CCDC148: variants seen among roughly 807,000 people sequenced by gnomAD.
CCDC148 encodes coiled-coil domain-containing protein 148.
A neutral mutation model predicts 85.7 loss-of-function variants in CCDC148; 89 were observed. The ratio of observed to expected loss-of-function variants is 1.04; its 90% CI spans 0.87 to 1.24. The LOEUF is 1.24. CCDC148 is among the 50% of genes most tolerant of loss of function. CCDC148 has a pLI of 0.00. For synonymous variants in CCDC148, 230 were observed against 213.9 expected, an observed-to-expected ratio of 1.08 and a Z score of -0.66; for missense variants, 692 against 671.7, an observed-to-expected ratio of 1.03 and a Z score of -0.33.
intron 1 of CCDC148, among the ~76,000 whole-genome samples, chr2:158,417,590 C>T (rs1320759337): frequency 1.3e-5 from 2 of 152,208 alleles, no homozygotes; most frequent in African/African-American, 4.8e-5. Flanking sequence ...AGGCCTCCAA[C>T]CAAATCCTCC....
chr2:158,250,979 A>G (rs1688770595), intron 9 of CCDC148, 67 bp from the exon 10 acceptor site: 1 of 1,423,168 alleles, frequency 7.0e-7, no homozygotes, highest in African/African-American at 1.4e-5. Flanking sequence ...AGGTCATAAT[A>G]AGACTAGGCT....
At position 158,223,364 on chromosome 2, in the gene CCDC148, C is replaced by A. The variant is rs574768819; in HGVS notation, c.1252-2651G>T. ...CCCACTGCAGCTCAAGGAGGCCTGT[C>A]TGCCTGCCTCTGTAGACTCCACTCT... is the stretch of plus-strand genomic sequence containing the variant. On this transcript the variant is annotated intron_variant, in intron 10 of 13. Coordinates refer to ENST00000283233, the MANE Select transcript of CCDC148 (RefSeq NM_138803.4). 7.9e-5 allele frequency among the ~76,000 whole-genome samples: 12 copies of A among 152,332 alleles called. No homozygotes were observed. In the East Asian group the frequency reaches 2.1e-3, roughly 27 times the overall value.
At chr2:158,328,160 C>T (rs1166128131) in intron 7 of CCDC148, among the ~76,000 whole-genome samples, 2 of 152,078 alleles carry the variant, frequency 1.3e-5, no homozygotes, top group African/African-American at 4.8e-5. Flanking sequence ...TGCTATCCCT[C>T]CCCTCCGCCC....
At chr2:158,249,990 A>G (rs910216037) in intron 10 of CCDC148, among the ~76,000 whole-genome samples, 1 of 152,130 alleles carries the variant, frequency 6.6e-6, no homozygotes, top group Non-Finnish European at 1.5e-5. Flanking sequence ...TCACAAATTA[A>G]TTGACTTTTT....
intron 1 of CCDC148, among the ~76,000 whole-genome samples, chr2:158,394,869 T>C (rs539258663): frequency 1.9e-4 from 29 of 152,076 alleles, no homozygotes; most frequent in Non-Finnish European, 3.1e-4. Context: ...AAAACTCTAT[T>C]GTTTGTTCTC....
At chr2:158,298,352 T>C (rs565559009) in intron 9 of CCDC148, among the ~76,000 whole-genome samples, 2 of 152,148 alleles carry the variant, frequency 1.3e-5, no homozygotes, top group African/African-American at 4.8e-5. Flanking sequence ...TTTGTCTACT[T>C]TGGGGTTTGT....
intron 9 of CCDC148, among the ~76,000 whole-genome samples, chr2:158,252,436 CT>C (rs1175355391): frequency 6.6e-6 from 1 of 151,682 alleles, no homozygotes; most frequent in Non-Finnish European, 1.5e-5. Context: ...CCTTTCCTTT[CT>C]GTAATTTATC....
At chr2:158,236,453 T>A (rs545570360) in intron 10 of CCDC148, among the ~76,000 whole-genome samples, 1 of 152,210 alleles carries the variant, frequency 6.6e-6, no homozygotes, top group Non-Finnish European at 1.5e-5. Flanking sequence ...ATGGCTGAAA[T>A]GAATTTGCCT....
chr2:158,415,807 A>C (rs1259960566), intron 1 of CCDC148, among the ~76,000 whole-genome samples: 1 of 152,128 alleles, frequency 6.6e-6, no homozygotes, highest in African/African-American at 2.4e-5. Flanking sequence ...CACGTCTCAC[A>C]TTCAGGCCAT....
chr2:158,206,458 G>A (rs747106929), intron 11 of CCDC148, among the ~76,000 whole-genome samples: 6 of 152,216 alleles, frequency 3.9e-5, no homozygotes, highest in African/African-American at 2.4e-5. Context: ...ACATGCACTG[G>A]TCCAGACAGA....
At chr2:158,201,108 C>CGTAA (rs1012151475) in intron 11 of CCDC148, among the ~76,000 whole-genome samples, 1 of 152,028 alleles carries the variant, frequency 6.6e-6, no homozygotes, top group African/African-American at 2.4e-5. Context: ...GTTTCCCTTA[C>CGTAA]TGTGATGCTT....
intron 9 of CCDC148, among the ~76,000 whole-genome samples, chr2:158,252,480 T>C (rs1207535753): frequency 6.6e-6 from 1 of 151,744 alleles, no homozygotes; most frequent in African/African-American, 2.4e-5. Flanking sequence ...TTAAAATCAG[T>C]GTCCTGTCAT....
intron 8 of CCDC148, among the ~76,000 whole-genome samples, chr2:158,312,380 G>A (rs146511323): frequency 4.4e-4 from 67 of 151,998 alleles, no homozygotes; most frequent in African/African-American, 1.6e-3. Context: ...TCAAGAGATC[G>A]AGACCATCCT....
At chr2:158,360,703 C>A (rs550132743) in intron 1 of CCDC148, among the ~76,000 whole-genome samples, 12 of 152,116 alleles carry the variant, frequency 7.9e-5, no homozygotes, top group Non-Finnish European at 1.8e-4. Context: ...ATAGATAAAT[C>A]CACGAAAATG....
At chr2:158,437,132 C>T (rs1687695712) in intron 1 of CCDC148, among the ~76,000 whole-genome samples, 2 of 152,136 alleles carry the variant, frequency 1.3e-5, no homozygotes, top group South Asian at 2.1e-4. Context: ...TTTTATGAGG[C>T]CAGCATCATC....
At chr2:158,284,963 C>G (rs1458214766) in intron 9 of CCDC148, among the ~76,000 whole-genome samples, 2 of 152,066 alleles carry the variant, frequency 1.3e-5, no homozygotes, top group Non-Finnish European at 2.9e-5. Flanking sequence ...AAGCAAATAT[C>G]AATTCCAAAA....
At chr2:158,301,739 C>T (rs1188774521) in intron 9 of CCDC148, among the ~76,000 whole-genome samples, 5 of 152,088 alleles carry the variant, frequency 3.3e-5, no homozygotes, top group East Asian at 1.9e-4. Flanking sequence ...AAGAGTGGAT[C>T]GTCAACAGGG....
At chr2:158,331,629 G>C (rs1484241139) in intron 7 of CCDC148, among the ~76,000 whole-genome samples, 1 of 152,088 alleles carries the variant, frequency 6.6e-6, no homozygotes, top group Non-Finnish European at 1.5e-5. Context: ...CATTATTATT[G>C]TGTGGGAGTC....
chr2:158,183,143 G>A (rs1684985175), intron 11 of CCDC148, among the ~76,000 whole-genome samples: 1 of 152,092 alleles, frequency 6.6e-6, no homozygotes, highest in African/African-American at 2.4e-5. Flanking sequence ...TCTCTTGGGG[G>A]AGGAGAAGCA....
Sources: gnomAD v4.1 joint callset for allele counts (sites outside exome capture counted in the v4.1 genomes callset) on GRCh38, gnomAD v4.1.1 for gene constraint, MANE v1.5 for transcripts, NCBI Gene and HGNC (gene_info 2026-07-23, HGNC 2026-07-21) for gene names.